NUP98: variants seen among roughly 807,000 people sequenced by gnomAD.
The protein encoded by NUP98 is nucleoporin 98 and 96 precursor.
In NUP98, 26 loss-of-function variants were observed where a neutral mutation model predicts 191.9. The observed-to-expected ratio is 0.14, with a 90% CI of 0.10 to 0.19. NUP98 has a LOEUF of 0.19. Ranked by LOEUF, NUP98 falls within the 10% of genes least tolerant of loss-of-function variation. The pLI is 1.00. For missense variants in NUP98, 1,941 were observed against 2,178.8 expected (o/e 0.89, Z 2.17); for synonymous variants, 808 against 778.4 (o/e 1.04, Z -0.63).
intron 6 of NUP98, among the ~76,000 whole-genome samples, chr11:3,772,876 G>A (rs779062180): frequency 3.3e-5 from 5 of 151,974 alleles, no homozygotes; most frequent in Non-Finnish European, 5.9e-5. Context: ...TACTAGGGAG[G>A]CTGAGGCACG....
In NUP98 at chr11:3,699,203, A is replaced by G. The variant is rs2078603855; in HGVS notation, c.3888T>C (p.Thr1296=). The change falls in exon 25 of 33, where the codon ACT becomes ACC. Residue 1296 remains threonine, a synonymous_variant. Coordinates refer to ENST00000324932, the MANE Select transcript of NUP98 (RefSeq NM_016320.5). ...CTTCCTCTTCAATCTGAGGTGTGGC[A>G]GTACAGGATAGCCAGCGGGAGAAAG... is the stretch of plus-strand genomic sequence containing the variant. ...RRAFSRWLSC[T]ATPQIEEEVS... 2 of 1,614,214 alleles carry G rather than the reference A, an allele frequency of 1.2e-6. No individual in the cohort carries two copies. Among genetic ancestry groups the G allele is most frequent in the Non-Finnish European group, 8.5e-7 (1 of 1,180,042 alleles).
chr11:3,725,576 TTC>T (rs967006958), intron 14 of NUP98, among the ~76,000 whole-genome samples: 2 of 152,212 alleles, frequency 1.3e-5, no homozygotes, highest in East Asian at 1.9e-4. Context: ...TCCAAATGCT[TTC>T]TCTCTCTTTT....
At chr11:3,720,934 A>G in intron 16 of NUP98, 109 bp from the exon 17 acceptor site, 1 of 592,486 alleles carries the variant, frequency 1.7e-6, no homozygotes. Flanking sequence ...TTTCCAAACT[A>G]CTTTTCTACC....
chr11:3,678,775 T>C (rs1564797143), intron 31 of NUP98, among the ~76,000 whole-genome samples: 4 of 152,090 alleles, frequency 2.6e-5, no homozygotes. Context: ...AGTTTGGTTT[T>C]TGCACCATAA....
Position 3,731,459 on chromosome 11 carries a change from G to C in NUP98, c.1662C>G (p.Ala554=), listed in dbSNP as rs1237931577. The C allele has an allele frequency of 6.2e-7, 1 of 1,608,270 alleles. No individual in the cohort carries two copies. Among genetic ancestry groups the C allele is most frequent in the East Asian group, 2.2e-5 (1 of 44,748 alleles). The change falls in exon 14 of 33, where the codon GCC becomes GCG. Residue 554 remains alanine (A), a synonymous_variant. Transcript: ENST00000324932. ...CCAGCCCATCAAAGAGATGTGACTTGGCTGTGCCTGTTGTTTGTAAAGCCT... is the reference window on the plus strand; with the variant it reads ...CCAGCCCATCAAAGAGATGTGACTTCGCTGTGCCTGTTGTTTGTAAAGCCT... ...RPKALQTTGT[A]KSHLFDGLDD... is the part of the protein sequence containing the mutation.
chr11:3,753,446 T>C (rs999277466), intron 10 of NUP98, 38 bp from the exon 11 acceptor site: 5 of 1,495,444 alleles, frequency 3.3e-6, no homozygotes, highest in Middle Eastern at 1.7e-4. Flanking sequence ...GTACTTTTAA[T>C]ATAACTCTCA....
At chr11:3,707,133 G>A (rs1045587367) in intron 20 of NUP98, among the ~76,000 whole-genome samples, 2 of 152,152 alleles carry the variant, frequency 1.3e-5, no homozygotes, top group African/African-American at 2.4e-5. Flanking sequence ...TTGGGTTACT[G>A]AATCCTAAGG....
chr11:3,694,155 T>C (rs960568276), intron 26 of NUP98, among the ~76,000 whole-genome samples: 1 of 151,370 alleles, frequency 6.6e-6, no homozygotes, highest in Non-Finnish European at 1.5e-5. Flanking sequence ...GTGGATCACC[T>C]GAGGTCGGGA....
intron 5 of NUP98, among the ~76,000 whole-genome samples, 191 bp from the exon 6 acceptor site, chr11:3,773,930 T>C (rs1205225813): frequency 6.6e-6 from 1 of 152,158 alleles, no homozygotes; most frequent in African/African-American, 2.4e-5. Context: ...TCTGAATAAA[T>C]CGATCTTAGT....
chr11:3,761,816 C>T (rs1260209818), intron 9 of NUP98, among the ~76,000 whole-genome samples: 1 of 151,934 alleles, frequency 6.6e-6, no homozygotes, highest in Non-Finnish European at 1.5e-5. Flanking sequence ...TGGTGTCACA[C>T]GCCTGTAATC....
In NUP98 at chr11:3,720,832, C is replaced by CAAAAAAAAAAAAAAAACAAAAAAAA; in HGVS notation, c.2147-8_2147-7insTTTTTTTTGTTTTTTTTTTTTTTTT. On this transcript the variant is annotated splice_polypyrimidine_tract_variant and splice_region_variant and intron_variant, in intron 16 of 32. Coordinates refer to ENST00000324932, the MANE Select transcript of NUP98 (RefSeq NM_016320.5). ...ACCTTAGTGAGAATAATACCTGTGACAAAAAAAAAAAAAAAAACAGAAAAA... is the reference window on the plus strand; with the variant it reads ...ACCTTAGTGAGAATAATACCTGTGACAAAAAAAAAAAAAAAACAAAAAAAAAAAAAAAAAAAAAAAAACAGAAAAA... 1 of 374,286 alleles carries CAAAAAAAAAAAAAAAACAAAAAAAA rather than the reference C, an allele frequency of 2.7e-6. No homozygotes were observed. The highest frequency in any genetic ancestry group is 4.5e-6 in the Non-Finnish European group (1 of 224,542). The allele number at this position is 374,286 out of a possible 1,614,324, so 23.2% of individuals were successfully genotyped here.
intron 10 of NUP98, among the ~76,000 whole-genome samples, chr11:3,756,573 C>T (rs1004167342): frequency 2.0e-5 from 3 of 151,786 alleles, no homozygotes; most frequent in Non-Finnish European, 4.4e-5. Flanking sequence ...CAGGCATGCA[C>T]CACCATGCCC....
chr11:3,697,712 A>G (rs2078552387), intron 25 of NUP98, among the ~76,000 whole-genome samples: 1 of 150,228 alleles, frequency 6.7e-6, no homozygotes, highest in South Asian at 2.1e-4. Context: ...GCTACTCAGG[A>G]GGCTGAGGCA....
chr11:3,753,175 G>A lies in NUP98; in HGVS notation c.1267+141C>T, dbSNP rs151260657. On this transcript the variant is annotated intron_variant, in intron 11 of 32. Coordinates refer to ENST00000324932, the MANE Select transcript of NUP98 (RefSeq NM_016320.5). ...AAGCCTGGTAAAGCATAACTGCTGG[G>A]AATGTCTTATAAACGCAACTGGAAA... The A allele has an allele frequency of 3.5e-4, 246 of 701,592 alleles. 3 individuals are homozygous for A. The African/African-American group carries it at 4.1e-3, about 12-fold the overall frequency. 43.5% of individuals were successfully genotyped at this position (701,592 alleles called of 1,614,324 possible).
At chr11:3,681,489 TG>T (rs1410880570) in intron 30 of NUP98, among the ~76,000 whole-genome samples, 1 of 152,236 alleles carries the variant, frequency 6.6e-6, no homozygotes, top group Non-Finnish European at 1.5e-5. Context: ...ATTACTCCTT[TG>T]CCCATGGGTT....
intron 27 of NUP98, among the ~76,000 whole-genome samples, chr11:3,692,815 A>C (rs1470113453): frequency 2.6e-5 from 4 of 152,232 alleles, no homozygotes; most frequent in Admixed American, 2.6e-4. Flanking sequence ...ATGAAAGACA[A>C]GTATAAAATA....
intron 15 of NUP98, among the ~76,000 whole-genome samples, chr11:3,724,624 C>G (rs1399503778): frequency 6.6e-6 from 1 of 151,228 alleles, no homozygotes; most frequent in African/African-American, 2.4e-5. Flanking sequence ...GAAACGCCGT[C>G]TCTACTAAAA....
intron 9 of NUP98, among the ~76,000 whole-genome samples, chr11:3,761,783 A>G (rs987848555): frequency 1.4e-5 from 2 of 146,454 alleles, no homozygotes; most frequent in African/African-American, 5.5e-5. Flanking sequence ...AAACAAAACA[A>G]AAAACAAAAC....
chr11:3,703,700 T>C (rs888618766), intron 22 of NUP98, among the ~76,000 whole-genome samples: 2 of 152,064 alleles, frequency 1.3e-5, no homozygotes, highest in Non-Finnish European at 2.9e-5. Flanking sequence ...TTAGCACATA[T>C]AAAAGTAAGA....
Sources: allele counts gnomAD v4.1 joint callset (sites outside exome capture counted in the v4.1 genomes callset), GRCh38; gene constraint gnomAD v4.1.1; transcripts MANE v1.5; gene names NCBI Gene and HGNC (gene_info 2026-07-23, HGNC 2026-07-21).